The following RPL21 variants were observed in gnomAD, a reference collection of about 807,000 sequenced individuals.
The protein encoded by RPL21 is large ribosomal subunit protein eL21.
Under a neutral mutation model 21.2 loss-of-function variants are expected in RPL21, and 1 was observed. The observed-to-expected ratio is 0.05, with a 90% CI of 0.02 to 0.22. RPL21 has a LOEUF of 0.22. RPL21 is among the 10% of genes least tolerant of loss of function. RPL21 has a pLI of 1.00. For missense variants in RPL21, 113 were observed against 199.4 expected, an observed-to-expected ratio of 0.57 and a Z score of 2.61; for synonymous variants, 52 against 62.9, an observed-to-expected ratio of 0.83 and a Z score of 0.82.
At chr13:27,255,761 A>G (rs1309309145) in intron 4 of RPL21, 1 of 351,436 alleles carries the variant, frequency 2.8e-6, no homozygotes, top group Non-Finnish European at 5.5e-6. Context: ...CTTAGTAGAG[A>G]CAGGGTTTCA....
chr13:27,254,334 AAT>A (rs1428504232), intron 3 of RPL21, 53 bp downstream of exon 3: 2 of 1,055,468 alleles, frequency 1.9e-6, no homozygotes, highest in East Asian at 4.8e-5. Context: ...AGTTGGATTT[AAT>A]CTAGTGTAGG....
In RPL21 at chr13:27,254,203, C is replaced by A; in HGVS notation, c.68-17C>A. On this transcript the variant is annotated splice_polypyrimidine_tract_variant and intron_variant, in intron 2 of 5. Transcript: ENST00000311549. ...TTTTTAGCCTTAATACTCACTATAC[C>A]AAATTTATTTTTGTAGGAGTTGTTC... 3 of 1,542,258 alleles carry A rather than the reference C, an allele frequency of 1.9e-6. No individual in the cohort carries two copies. The highest frequency in any genetic ancestry group is 2.7e-6 in the Non-Finnish European group (3 of 1,115,122).
intron 3 of RPL21, 53 bp downstream of exon 3, chr13:27,254,334 A>G (rs1308180461): frequency 2.8e-6 from 3 of 1,055,468 alleles, no homozygotes; most frequent in Non-Finnish European, 4.5e-6. Context: ...AGTTGGATTT[A>G]ATCTAGTGTA....
At chr13:27,256,369 A>C in intron 5 of RPL21, 35 bp downstream of exon 5, 1 of 1,599,790 alleles carries the variant, frequency 6.3e-7, no homozygotes, top group Non-Finnish European at 8.6e-7. Flanking sequence ...TGGTTCTGAG[A>C]GCACTTTAAG....
At chr13:27,253,711 TG>T in intron 1 of RPL21, 53 bp from the exon 2 acceptor site, 1 of 961,776 alleles carries the variant, frequency 1.0e-6, no homozygotes, top group Non-Finnish European at 1.7e-6. Context: ...TACAGGGGTT[TG>T]GGGCAAATGC....
At chr13:27,255,412 C>T (rs1277113445) in intron 4 of RPL21, 58 bp downstream of exon 4, 1 of 803,318 alleles carries the variant, frequency 1.2e-6, no homozygotes, top group South Asian at 1.3e-5. Context: ...ACCCCCTTTT[C>T]ACTTTGCCAG....
intron 4 of RPL21, 91 bp downstream of exon 4, chr13:27,255,445 C>T: frequency 1.3e-6 from 1 of 778,242 alleles, no homozygotes; most frequent in East Asian, 2.4e-5. Flanking sequence ...CTTTATTGGT[C>T]ATTCAAGTGG....
intron 4 of RPL21, 128 bp downstream of exon 4, chr13:27,255,482 C>T (rs998391801): frequency 2.6e-6 from 2 of 767,076 alleles, no homozygotes; most frequent in African/African-American, 3.4e-5. Flanking sequence ...TTTTAAAACT[C>T]AGGCAAACTG....
At chr13:27,255,521 A>T (rs760063254) in intron 4 of RPL21, 167 bp downstream of exon 4, 1 of 760,246 alleles carries the variant, frequency 1.3e-6, no homozygotes, top group Non-Finnish European at 2.4e-6. Context: ...GTCAGAGGAA[A>T]CAAATTGAAA....
intron 3 of RPL21, 92 bp downstream of exon 3, chr13:27,254,373 C>G: frequency 3.2e-6 from 2 of 616,158 alleles, no homozygotes; most frequent in Non-Finnish European, 6.1e-6. Context: ...TATGTTGCAT[C>G]TGTAAGAGTA....
intron 3 of RPL21, chr13:27,254,818 G>A: frequency 2.8e-6 from 1 of 354,274 alleles, no homozygotes; most frequent in Non-Finnish European, 5.4e-6. Flanking sequence ...ACCGTGCCCG[G>A]CCTAGAATGG....
At chr13:27,255,808 G>T (rs7324497) in intron 4 of RPL21, 1 of 327,830 alleles carries the variant, frequency 3.1e-6, no homozygotes, top group African/African-American at 2.2e-5. Context: ...TCCTGACCTC[G>T]TGATCTGCCT....
In RPL21 at chr13:27,253,892, C is replaced by G. The variant is rs200343887; in HGVS notation, c.67+49C>G. On this transcript the variant is annotated intron_variant, in intron 2 of 5. Transcript: ENST00000311549. ...GAGAAGCATGGCACACATTTGTGTT[C>G]TGTTGTGTTCAACATGTGTTGTAGT... is the stretch of plus-strand genomic sequence containing the variant. The G allele has an allele frequency of 3.4e-5, 36 of 1,058,610 alleles. No homozygotes were observed. In the East Asian group the frequency reaches 7.8e-4, roughly 23 times the overall value. The allele number at this position is 1,058,610 out of a possible 1,614,324, so 65.6% of individuals were successfully genotyped here.
rs749701636 is a variant in RPL21, at chr13:27,255,227, T to C, written c.130-15T>C. 1.1e-5 allele frequency: 11 copies of C among 1,005,516 alleles called. No homozygotes were observed. Among genetic ancestry groups the C allele is most frequent in the South Asian group, 1.0e-4 (8 of 78,880 alleles). 62.3% of individuals were successfully genotyped at this position (1,005,516 alleles called of 1,614,324 possible). Reference sequence around the variant, plus strand: ...AAGGGGAAATGCTGGTATATAACATTGGTTTCTTTAATAGGGAATGGGTAC... The same window carrying C: ...AAGGGGAAATGCTGGTATATAACATCGGTTTCTTTAATAGGGAATGGGTAC... On this transcript the variant is annotated splice_polypyrimidine_tract_variant and intron_variant, in intron 3 of 5. Coordinates refer to ENST00000311549, the MANE Select transcript of RPL21 (RefSeq NM_000982.4).
At chr13:27,256,025 A>C (rs919665565) in intron 4 of RPL21, among the ~76,000 whole-genome samples, 159 bp from the exon 5 acceptor site, 2 of 152,212 alleles carry the variant, frequency 1.3e-5, no homozygotes, top group African/African-American at 4.8e-5. Flanking sequence ...TGATATGATT[A>C]ATTGATTGTA....
At chr13:27,255,739 A>C in intron 4 of RPL21, 2 of 359,096 alleles carry the variant, frequency 5.6e-6, no homozygotes, top group South Asian at 4.3e-5. Flanking sequence ...GCCCAGCTAA[A>C]TTTTTTGTAT....
intron 3 of RPL21, chr13:27,255,028 T>C: frequency 1.4e-6 from 1 of 735,242 alleles, no homozygotes; most frequent in South Asian, 1.4e-5. Context: ...AGCTGTGTTC[T>C]TCTGTGACCT....
chr13:27,254,825 A>G, intron 3 of RPL21: 1 of 355,576 alleles, frequency 2.8e-6, no homozygotes, highest in South Asian at 2.2e-5. Flanking sequence ...CCGGCCTAGA[A>G]TGGATTTTTT....
chr13:27,253,988 A>G (rs1593261149), intron 2 of RPL21, 145 bp downstream of exon 2: 1 of 704,680 alleles, frequency 1.4e-6, no homozygotes, highest in East Asian at 2.7e-5. Flanking sequence ...AGGTAAATAA[A>G]TTACCAAAAT....
Sources: gnomAD v4.1 joint callset for allele counts (sites outside exome capture counted in the v4.1 genomes callset) on GRCh38, gnomAD v4.1.1 for gene constraint, MANE v1.5 for transcripts, NCBI Gene and HGNC (gene_info 2026-07-23, HGNC 2026-07-21) for gene names.